Variants in WWOX observed in about 807,000 individuals in gnomAD.
WWOX encodes WW domain containing oxidoreductase.
In WWOX, 69 loss-of-function variants were observed where a neutral mutation model predicts 46.2. The observed-to-expected ratio is 1.49, with a 90% CI of 1.23 to 1.82. The LOEUF is 1.82. Among genes scored for constraint, WWOX ranks in the 40% most tolerant of loss-of-function variants. WWOX has a pLI of 0.00. For synonymous variants in WWOX, 359 were observed against 202.6 expected, an observed-to-expected ratio of 1.77 and a Z score of -6.56; for missense variants, 919 against 542.6, an observed-to-expected ratio of 1.69 and a Z score of -6.89.
chr16:78,416,812 G>A (rs967386806), intron 6 of WWOX, among the ~76,000 whole-genome samples: 4 of 152,188 alleles, frequency 2.6e-5, no homozygotes, highest in African/African-American at 9.7e-5. Flanking sequence ...AAGCTGGCAG[G>A]CCAGCAAGAT....
intron 5 of WWOX, among the ~76,000 whole-genome samples, chr16:78,246,352 TCCTA>T (rs1374255835): frequency 6.6e-6 from 1 of 152,150 alleles, no homozygotes; most frequent in Non-Finnish European, 1.5e-5. Flanking sequence ...GCAAAAGACC[TCCTA>T]CCTTTTTTTT....
intron 8 of WWOX, among the ~76,000 whole-genome samples, chr16:78,969,269 C>CTTTTT (rs71384387): frequency 7.0e-6 from 1 of 142,594 alleles, no homozygotes. Context: ...CTCTCTCTCT[C>CTTTTT]TTTTTTTTTT....
intron 8 of WWOX, among the ~76,000 whole-genome samples, chr16:78,887,468 AACACACACACAC>A (rs78503110): frequency 0.013 from 1,733 of 136,052 alleles, 28 homozygotes; most frequent in Middle Eastern, 0.042. Context: ...AAGTATATAA[AACACACACACAC>A]ACACACACAC....
At chr16:78,374,151 C>G (rs1395244132) in intron 5 of WWOX, among the ~76,000 whole-genome samples, 3 of 152,194 alleles carry the variant, frequency 2.0e-5, no homozygotes, top group African/African-American at 7.2e-5. Flanking sequence ...ATCATTTTTT[C>G]TCCCTGTTGC....
At chr16:78,609,038 A>T (rs1038521322) in intron 8 of WWOX, among the ~76,000 whole-genome samples, 1 of 152,194 alleles carries the variant, frequency 6.6e-6, no homozygotes, top group Non-Finnish European at 1.5e-5. Context: ...GCTGAGTTTT[A>T]TTAAAATGAT....
chr16:78,750,893 A>T (rs1465089320), intron 8 of WWOX, among the ~76,000 whole-genome samples: 5 of 152,058 alleles, frequency 3.3e-5, no homozygotes, highest in African/African-American at 1.2e-4. Context: ...CTAATCCACC[A>T]TTGATGGGCA....
chr16:79,031,827 T>C (rs2047762000), intron 8 of WWOX, among the ~76,000 whole-genome samples: 1 of 111,134 alleles, frequency 9.0e-6, no homozygotes, highest in Non-Finnish European at 2.0e-5. Context: ...ATAATCTATA[T>C]ATGATATATA....
At chr16:78,842,366 G>A (rs1022652685) in intron 8 of WWOX, among the ~76,000 whole-genome samples, 36 of 151,948 alleles carry the variant, frequency 2.4e-4, no homozygotes, top group Non-Finnish European at 1.8e-4. Flanking sequence ...AGCTGGGCTT[G>A]GTGGTGCACA....
chr16:78,124,100 A>C (rs1233589964), intron 4 of WWOX: 1 of 152,182 alleles, frequency 6.6e-6, no homozygotes, highest in East Asian at 1.9e-4. Flanking sequence ...TTGGCTTTAC[A>C]AAACTGCTTA....
At chr16:78,946,498 G>C (rs985124083) in intron 8 of WWOX, among the ~76,000 whole-genome samples, 1 of 151,982 alleles carries the variant, frequency 6.6e-6, no homozygotes, top group African/African-American at 2.4e-5. Flanking sequence ...GCCTCTTTCT[G>C]TTTCAAAGAA....
intron 8 of WWOX, among the ~76,000 whole-genome samples, chr16:78,572,144 G>C (rs926875277): frequency 1.3e-5 from 2 of 152,192 alleles, no homozygotes; most frequent in South Asian, 4.1e-4. Flanking sequence ...TGCATAATTT[G>C]TGATAGCAAG....
intron 5 of WWOX, among the ~76,000 whole-genome samples, chr16:78,334,117 A>G (rs886876612): frequency 3.9e-5 from 6 of 152,192 alleles, no homozygotes; most frequent in Admixed American, 2.0e-4. Flanking sequence ...CTCACACTAT[A>G]AAAACAAAGT....
chr16:78,748,579 A>T (rs911660596), intron 8 of WWOX, among the ~76,000 whole-genome samples: 1 of 152,170 alleles, frequency 6.6e-6, no homozygotes, highest in African/African-American at 2.4e-5. Context: ...TGATTACAAT[A>T]CGTCCGTGAT....
At chr16:78,705,668 G>A (rs1567504166) in intron 8 of WWOX, among the ~76,000 whole-genome samples, 1 of 152,084 alleles carries the variant, frequency 6.6e-6, no homozygotes, top group Non-Finnish European at 1.5e-5. Flanking sequence ...ATGTAAAACT[G>A]TTTATTTAGT....
intron 6 of WWOX, among the ~76,000 whole-genome samples, chr16:78,402,211 T>C (rs1205779232): frequency 6.6e-6 from 1 of 152,230 alleles, no homozygotes; most frequent in Non-Finnish European, 1.5e-5. Context: ...TTCTGGACAT[T>C]TCATATGAGT....
At chr16:78,574,722 G>A (rs1296914302) in intron 8 of WWOX, among the ~76,000 whole-genome samples, 1 of 151,472 alleles carries the variant, frequency 6.6e-6, no homozygotes, top group African/African-American at 2.4e-5. Flanking sequence ...CATATGATCT[G>A]ACTAACAATG....
intron 5 of WWOX, among the ~76,000 whole-genome samples, chr16:78,381,758 G>T (rs1484827939): frequency 1.3e-5 from 2 of 152,184 alleles, no homozygotes; most frequent in African/African-American, 4.8e-5. Flanking sequence ...TGATTGGATG[G>T]ATGGATGAAT....
chr16:79,189,062 T>C (rs1264115246), intron 8 of WWOX, among the ~76,000 whole-genome samples: 3 of 152,000 alleles, frequency 2.0e-5, no homozygotes, highest in Non-Finnish European at 2.9e-5. Context: ...AGAAAAAAAA[T>C]ACAGATACGT....
At chr16:78,327,713 A>G (rs1302291548) in intron 5 of WWOX, among the ~76,000 whole-genome samples, 1 of 152,090 alleles carries the variant, frequency 6.6e-6, no homozygotes, top group Non-Finnish European at 1.5e-5. Flanking sequence ...AATAGCAAGC[A>G]TATAGATAGT....
Sources: allele counts gnomAD v4.1 joint callset (sites outside exome capture counted in the v4.1 genomes callset), GRCh38; gene constraint gnomAD v4.1.1; transcripts MANE v1.5; gene names NCBI Gene and HGNC (gene_info 2026-07-23, HGNC 2026-07-21).